Variants in ZNF233 observed in about 807,000 individuals in gnomAD.
The protein encoded by ZNF233 is zinc finger protein 233.
ZNF233 carries 7 observed loss-of-function variants against 11.6 expected under a neutral mutation model. The observed-to-expected ratio is 0.60, with a 90% CI of 0.34 to 1.13. The LOEUF (loss-of-function observed/expected upper bound fraction) is 1.13, where lower values mean the gene tolerates loss of function less well. ZNF233 is among the 50% of genes most tolerant of loss of function. The pLI, the probability that ZNF233 is intolerant of heterozygous loss-of-function variation, is 0.03. For missense variants in ZNF233, 711 were observed against 785.5 expected (o/e 0.91, Z 1.13); for synonymous variants, 226 against 268.5 (o/e 0.84, Z 1.55).
chr19:44,267,741 C>T (rs61073294), intron 4 of ZNF233: 312 of 233,874 alleles, frequency 1.3e-3, no homozygotes, highest in African/African-American at 6.6e-3. Flanking sequence ...GATGTTCTTA[C>T]CTCATACATC....
At chr19:44,263,774 C>T (rs1318535629) in intron 1 of ZNF233, among the ~76,000 whole-genome samples, 1 of 152,206 alleles carries the variant, frequency 6.6e-6, no homozygotes, top group Non-Finnish European at 1.5e-5. Flanking sequence ...TTATAAAAGA[C>T]TCTCTTATTG....
chr19:44,266,321 G>A lies in ZNF233; in HGVS notation c.139G>A (p.Val47Met). The A allele has an allele frequency of 1.2e-6, 2 of 1,602,476 alleles. No homozygotes were observed. The highest frequency in any genetic ancestry group is 1.7e-6 in the Non-Finnish European group (2 of 1,173,642). Residue 47 changes from valine (V) to methionine (M), a missense_variant, in exon 3 of 5, where the codon GTG (valine) becomes ATG (methionine). Transcript: ENST00000683810. ...MLENFRNLLS[V>M]GYQPFKLDVI... ...GGAGAACTTCAGGAACCTGCTGTCA[G>A]TGGGTGAGCACAGGCACCTTCTGTA...
rs1975312774 is a variant in ZNF233, at chr19:44,273,830, A to G, written c.1170A>G (p.Val390=). 6.2e-7 allele frequency: 1 copy of G among 1,614,082 alleles called. No individual in the cohort carries two copies. Among genetic ancestry groups the G allele is most frequent in the African/African-American group, 1.3e-5 (1 of 74,928 alleles). Residue 390 remains valine, a synonymous_variant, in exon 5 of 5, where the codon GTA becomes GTG. Transcript: ENST00000683810. ...HHSLDFDIHC[V]DSAGERACKC... ...GCTTAGATTTTGACATTCACTGTGT[A>G]GACAGTGCTGGAGAGAGAGCCTGTA...
intron 1 of ZNF233, 127 bp from the exon 2 acceptor site, chr19:44,264,187 G>C: frequency 3.0e-6 from 2 of 669,872 alleles, no homozygotes; most frequent in South Asian, 3.3e-5. Context: ...CAATCTGCCT[G>C]CCTCGGCCTC....
intron 1 of ZNF233, chr19:44,260,254 T>C (rs115638388): frequency 2.4e-3 from 427 of 176,214 alleles, no homozygotes; most frequent in African/African-American, 9.4e-3. Flanking sequence ...GTGAGTTTCA[T>C]AGTAGTACCT....
intron 1 of ZNF233, among the ~76,000 whole-genome samples, chr19:44,260,362 C>A (rs1017530341): frequency 6.6e-6 from 1 of 152,106 alleles, no homozygotes; most frequent in Non-Finnish European, 1.5e-5. Context: ...TGGTTGTTGC[C>A]AATCTGTTAT....
chr19:44,261,424 T>A (rs980643087), intron 1 of ZNF233, among the ~76,000 whole-genome samples: 2 of 151,830 alleles, frequency 1.3e-5, no homozygotes, highest in Non-Finnish European at 1.5e-5. Context: ...TGAGAGTCTG[T>A]CTCAAAAAAA....
chr19:44,273,857 A>C lies in ZNF233; in HGVS notation c.1197A>C (p.Lys399Asn), dbSNP rs1229614558. 1 of 1,614,184 alleles carries C rather than the reference A, an allele frequency of 6.2e-7. No individual in the cohort carries two copies. The highest frequency in any genetic ancestry group is 1.7e-5 in the Admixed American group (1 of 60,026). Residue 399 changes from lysine to asparagine, a missense_variant, in exon 5 of 5, where the codon AAA becomes AAC. Transcript: ENST00000683810. ...CVDSAGERAC[K>N]CDVYDKGFSQ... is the part of the protein sequence containing the mutation. Reference sequence around the variant, plus strand: ...ACAGTGCTGGAGAGAGAGCCTGTAAATGTGATGTATATGATAAAGGCTTCA... The same window carrying C: ...ACAGTGCTGGAGAGAGAGCCTGTAACTGTGATGTATATGATAAAGGCTTCA...
rs551178119 is a variant in ZNF233 at position 44,265,667 on chromosome 19, A to C, written c.16-531A>C. 2.0e-4 allele frequency among the ~76,000 whole-genome samples: 30 copies of C among 152,098 alleles called. No individual in the cohort carries two copies. In the East Asian group the frequency reaches 5.8e-3, roughly 30 times the overall value. ...GAACTCCTGACCTCGTGGTTCACCC[A>C]CCTCGGCCTCCCAAAGTGCTGGGAT... On this transcript the variant is annotated intron_variant, in intron 2 of 4. Coordinates refer to ENST00000683810, the MANE Select transcript of ZNF233 (RefSeq NM_001207005.2).
chr19:44,274,325 G>A lies in ZNF233; in HGVS notation c.1665G>A (p.Gln555=). 6 of 1,613,962 alleles carry A rather than the reference G, an allele frequency of 3.7e-6. No homozygotes were observed. Among genetic ancestry groups the A allele is most frequent in the Non-Finnish European group, 5.1e-6 (6 of 1,179,938 alleles). ...AGAGTTCGCATCTCCAAGACCATCA[G>A]CAAGTCCATACTGGAGAGAATCCCT... The part of the protein sequence containing the change: ...FSQSSHLQDH[Q]QVHTGENPYK... The change falls in exon 5 of 5, where the codon CAG becomes CAA. Residue 555 remains glutamine, a synonymous_variant. Transcript: ENST00000683810.
intron 4 of ZNF233, among the ~76,000 whole-genome samples, chr19:44,270,159 T>C (rs1384798180): frequency 1.3e-5 from 2 of 152,110 alleles, no homozygotes; most frequent in Non-Finnish European, 2.9e-5. Flanking sequence ...AGCCTACTTA[T>C]AATTTTTATG....
chr19:44,274,831 T>C lies in ZNF233; in HGVS notation c.*158T>C, dbSNP rs183401131. On this transcript the variant is annotated 3_prime_UTR_variant, in exon 5 of 5. Coordinates refer to ENST00000683810, the MANE Select transcript of ZNF233 (RefSeq NM_001207005.2). ...AGTTTTTATAGTTATCTGAATTCCA[T>C]TGAAGAAAACCTATTTTTGTATGAA... 4.3e-5 allele frequency: 28 copies of C among 646,248 alleles called. 1 individual carries two copies. The highest frequency in any genetic ancestry group is 4.3e-4 in the South Asian group (14 of 32,702). 40.0% of individuals were successfully genotyped at this position (646,248 alleles called of 1,614,324 possible).
Position 44,273,274 on chromosome 19 carries a change from A to AG in ZNF233, c.614_615insG (p.Asn205LysfsTer2). ...AGGTGTCAGCAAATTGATGTAAAAA[A>AG]TAAGCTCTGTAAATGTGATCATTGT... On this transcript the variant is annotated frameshift_variant, in exon 5 of 5. Coordinates refer to ENST00000683810, the MANE Select transcript of ZNF233 (RefSeq NM_001207005.2). LOFTEE classifies it low-confidence loss of function (END_TRUNC). 1 of 1,614,080 alleles carries AG rather than the reference A, an allele frequency of 6.2e-7. No individual in the cohort carries two copies. Among genetic ancestry groups the AG allele is most frequent in the Non-Finnish European group, 8.5e-7 (1 of 1,180,036 alleles).
chr19:44,265,715 C>T (rs953207279), intron 2 of ZNF233, among the ~76,000 whole-genome samples: 4 of 152,134 alleles, frequency 2.6e-5, no homozygotes, highest in Admixed American at 6.5e-5. Context: ...CCACTGCGGC[C>T]GGCCACACAG....
chr19:44,267,312 C>A (rs1975117163), intron 4 of ZNF233: 2 of 401,700 alleles, frequency 5.0e-6, no homozygotes, highest in South Asian at 2.5e-4. Context: ...TTTCCAGCCA[C>A]ACAAGACTGC....
At chr19:44,270,680 A>T (rs80303555) in intron 4 of ZNF233, among the ~76,000 whole-genome samples, 9,038 of 152,286 alleles carry the variant, frequency 0.059, 374 homozygotes, top group East Asian at 0.15. Context: ...CGTCCCCGGA[A>T]GGCTGGACTG....
At chr19:44,265,182 G>C (rs1975038619) in intron 2 of ZNF233, among the ~76,000 whole-genome samples, 1 of 151,880 alleles carries the variant, frequency 6.6e-6, no homozygotes, top group Admixed American at 6.6e-5. Context: ...AGTCCATTGT[G>C]TCATTCTTAG....
Position 44,273,167 on chromosome 19 carries a change from A to G in ZNF233, c.507A>G (p.Ile169Met). Reference sequence around the variant, plus strand: ...TACAAGGGGAGAGTTCAAATAGCATAAAAAATCAAGAGCTTCCATTGAGGA... The same window carrying G: ...TACAAGGGGAGAGTTCAAATAGCATGAAAAATCAAGAGCTTCCATTGAGGA... ...IKLQGESSNSIKNQELPLRTT... is the reference protein window; with the variant it reads ...IKLQGESSNSMKNQELPLRTT... Residue 169 changes from isoleucine to methionine, a missense_variant, in exon 5 of 5, where the codon ATA becomes ATG. By Grantham distance (10) the Ile-to-Met change is conservative. Coordinates refer to ENST00000683810, the MANE Select transcript of ZNF233 (RefSeq NM_001207005.2). The G allele has an allele frequency of 6.2e-7, 1 of 1,613,928 alleles. No homozygotes were observed. The highest frequency in any genetic ancestry group is 1.7e-5 in the Admixed American group (1 of 60,024).
At chr19:44,263,182 T>C (rs1974982005) in intron 1 of ZNF233, among the ~76,000 whole-genome samples, 1 of 152,212 alleles carries the variant, frequency 6.6e-6, no homozygotes, top group Admixed American at 6.5e-5. Context: ...ATATACCATA[T>C]AATTCACCCT....
Sources: gnomAD v4.1 joint callset for allele counts (sites outside exome capture counted in the v4.1 genomes callset) on GRCh38, gnomAD v4.1.1 for gene constraint, MANE v1.5 for transcripts, NCBI Gene and HGNC (gene_info 2026-07-23, HGNC 2026-07-21) for gene names.